The following MB21D2 variants were observed in gnomAD, a reference collection of about 807,000 sequenced individuals.
The protein encoded by MB21D2 is Mab-21 domain containing 2.
In MB21D2, 9 loss-of-function variants were observed where a neutral mutation model predicts 33.3. The observed-to-expected ratio is 0.27, with a 90% CI of 0.16 to 0.47. The LOEUF (loss-of-function observed/expected upper bound fraction) is 0.47. Among genes scored for constraint, MB21D2 ranks in the 20% least tolerant of loss-of-function variants. The pLI, the probability that MB21D2 is intolerant of heterozygous loss-of-function variation, is 0.99. For synonymous variants in MB21D2, 241 were observed against 236.3 expected, an observed-to-expected ratio of 1.02 and a Z score of -0.18; for missense variants, 540 against 624.6, an observed-to-expected ratio of 0.86 and a Z score of 1.44.
chr3:192,912,565 C>T (rs1334354792), intron 1 of MB21D2, among the ~76,000 whole-genome samples: 2 of 151,710 alleles, frequency 1.3e-5, no homozygotes, highest in African/African-American at 2.4e-5. Flanking sequence ...CCCAGCTACT[C>T]GGGAGGCTGA....
At chr3:192,878,003 TGAG>T (rs1713472177) in intron 1 of MB21D2, among the ~76,000 whole-genome samples, 1 of 146,946 alleles carries the variant, frequency 6.8e-6, no homozygotes, top group African/African-American at 2.5e-5. Context: ...AAAGAAACAC[TGAG>T]AGGCAGCAAC....
At chr3:192,816,694 T>C (rs1711933889) in intron 1 of MB21D2, among the ~76,000 whole-genome samples, 1 of 152,158 alleles carries the variant, frequency 6.6e-6, no homozygotes, top group African/African-American at 2.4e-5. Context: ...GATTCACAGC[T>C]TTGAGGTGAA....
At chr3:192,806,046 T>C (rs1577166993) in intron 1 of MB21D2, among the ~76,000 whole-genome samples, 1 of 152,248 alleles carries the variant, frequency 6.6e-6, no homozygotes, top group South Asian at 2.1e-4. Context: ...CAAGGCTGCT[T>C]CCTCTGAGTG....
chr3:192,903,310 C>G (rs996521272), intron 1 of MB21D2, among the ~76,000 whole-genome samples: 1 of 152,216 alleles, frequency 6.6e-6, no homozygotes, highest in Non-Finnish European at 1.5e-5. Context: ...ATGATCAAGT[C>G]CCCTTTTCTT....
At chr3:192,875,811 A>G (rs1010786268) in intron 1 of MB21D2, among the ~76,000 whole-genome samples, 11 of 152,216 alleles carry the variant, frequency 7.2e-5, no homozygotes. Flanking sequence ...GAATCAAATG[A>G]GATTTATGGC....
intron 1 of MB21D2, among the ~76,000 whole-genome samples, chr3:192,889,340 G>A (rs1713802088): frequency 6.6e-6 from 1 of 152,090 alleles, no homozygotes; most frequent in Non-Finnish European, 1.5e-5. Flanking sequence ...AGACTGGTGA[G>A]TAGCTTGGAA....
chr3:192,816,826 G>A (rs1176082640), intron 1 of MB21D2, among the ~76,000 whole-genome samples: 1 of 152,038 alleles, frequency 6.6e-6, no homozygotes, highest in African/African-American at 2.4e-5. Context: ...TATTAGCTGT[G>A]TGGCATCTGG....
At chr3:192,892,193 C>T (rs1713865661) in intron 1 of MB21D2, among the ~76,000 whole-genome samples, 1 of 152,204 alleles carries the variant, frequency 6.6e-6, no homozygotes, top group African/African-American at 2.4e-5. Flanking sequence ...CCCCACTGCC[C>T]GTGAGGCAGG....
rs144562665 is a variant in MB21D2 at position 192,887,584 on chromosome 3, T to C, written c.211+30046A>G. Among the ~76,000 whole-genome samples, 53 of 151,988 alleles carry C rather than the reference T, an allele frequency of 3.5e-4. No individual in the cohort carries two copies. The East Asian group carries it at 9.7e-3, about 28-fold the overall frequency. ...TGATCTAAAATAATCCACGGTGGGG[T>C]AGAGGTTACAGAAAAAACAAAGGTA... is the stretch of plus-strand genomic sequence containing the variant. On this transcript the variant is annotated intron_variant, in intron 1 of 1. Transcript: ENST00000392452.
chr3:192,899,446 T>G (rs2108650749), intron 1 of MB21D2, among the ~76,000 whole-genome samples: 1 of 152,134 alleles, frequency 6.6e-6, no homozygotes, highest in African/African-American at 2.4e-5. Context: ...GGAGAATCAC[T>G]TGAACCCAGG....
intron 1 of MB21D2, among the ~76,000 whole-genome samples, chr3:192,810,418 C>T (rs1024173369): frequency 1.5e-4 from 22 of 146,046 alleles, no homozygotes; most frequent in African/African-American, 5.4e-4. Flanking sequence ...CTCTAAAGGA[C>T]TTACAAACTA....
intron 1 of MB21D2, among the ~76,000 whole-genome samples, chr3:192,832,942 T>C (rs1712353929): frequency 6.6e-6 from 1 of 152,192 alleles, no homozygotes; most frequent in Non-Finnish European, 1.5e-5. Context: ...CCTCAAACAA[T>C]AGCTATCTAC....
chr3:192,893,553 A>C (rs936700787), intron 1 of MB21D2, among the ~76,000 whole-genome samples: 4 of 152,176 alleles, frequency 2.6e-5, no homozygotes, highest in Admixed American at 6.5e-5. Context: ...ACACCCCTTG[A>C]CTGTATGGGA....
intron 1 of MB21D2, among the ~76,000 whole-genome samples, chr3:192,857,868 T>C (rs1486638067): frequency 6.6e-6 from 1 of 152,154 alleles, no homozygotes; most frequent in Admixed American, 6.5e-5. Flanking sequence ...CTCACACCTG[T>C]AATCCCAGCA....
chr3:192,916,308 CTG>C (rs1714465362), intron 1 of MB21D2, among the ~76,000 whole-genome samples: 1 of 152,028 alleles, frequency 6.6e-6, no homozygotes. Context: ...CACGTTCAGT[CTG>C]TATTACCCCG....
At chr3:192,878,145 G>A (rs1196648283) in intron 1 of MB21D2, among the ~76,000 whole-genome samples, 2 of 143,660 alleles carry the variant, frequency 1.4e-5, no homozygotes, top group Non-Finnish European at 3.0e-5. Context: ...TGTCGCCCAG[G>A]CTGGAGTGCA....
chr3:192,887,200 G>A (rs1713750923), intron 1 of MB21D2, among the ~76,000 whole-genome samples: 1 of 152,058 alleles, frequency 6.6e-6, no homozygotes, highest in African/African-American at 2.4e-5. Flanking sequence ...AGGGTGAAGT[G>A]CAGTGATGTC....
rs1344027033 is a variant in MB21D2, at chr3:192,884,280, A to T, written c.211+33350T>A. Among the ~76,000 whole-genome samples the T allele has an allele frequency of 2.0e-5, 3 of 152,160 alleles. No homozygotes were observed. In the East Asian group the frequency reaches 5.8e-4, roughly 29 times the overall value. On this transcript the variant is annotated intron_variant, in intron 1 of 1. Transcript: ENST00000392452. ...TAAATCATTCTTTAATTCTGCACTAATCCTCTCTCCCTTTTAACTATATGG... is the reference window on the plus strand; with the variant it reads ...TAAATCATTCTTTAATTCTGCACTATTCCTCTCTCCCTTTTAACTATATGG...
intron 1 of MB21D2, among the ~76,000 whole-genome samples, chr3:192,843,358 A>G (rs1712613494): frequency 2.0e-5 from 3 of 152,162 alleles, no homozygotes; most frequent in African/African-American, 4.8e-5. Context: ...CTTATGAGGA[A>G]CAAGTGCTAA....
Sources: gnomAD v4.1 joint callset for allele counts (sites outside exome capture counted in the v4.1 genomes callset) on GRCh38, gnomAD v4.1.1 for gene constraint, MANE v1.5 for transcripts, NCBI Gene and HGNC (gene_info 2026-07-23, HGNC 2026-07-21) for gene names.